The following DGKB variants were observed in gnomAD, a reference collection of about 807,000 sequenced individuals.
DGKB encodes the protein 90 kDa diacylglycerol kinase.
DGKB carries 67 observed loss-of-function variants against 114.3 expected under a neutral mutation model. The observed-to-expected ratio is 0.59, with a 90% CI of 0.48 to 0.72. DGKB has a LOEUF of 0.72. Ranked by LOEUF, DGKB falls within the 30% of genes least tolerant of loss-of-function variation. DGKB has a pLI of 0.00. For synonymous variants in DGKB, 398 were observed against 323.1 expected (o/e 1.23, Z -2.49); for missense variants, 907 against 975.2 (o/e 0.93, Z 0.93).
intron 23 of DGKB, among the ~76,000 whole-genome samples, chr7:14,183,127 T>C (rs1782880521): frequency 6.6e-6 from 1 of 152,206 alleles, no homozygotes; most frequent in African/African-American, 2.4e-5. Context: ...TGAGTGTTTG[T>C]AGATTGTATG....
At chr7:14,920,018 T>A (rs1261919008) in intron 1 of DGKB, among the ~76,000 whole-genome samples, 2 of 152,160 alleles carry the variant, frequency 1.3e-5, no homozygotes, top group East Asian at 3.8e-4. Context: ...TCTCAGGTAT[T>A]CATTTATAGC....
At chr7:14,881,798 A>G (rs896692089) in intron 1 of DGKB, among the ~76,000 whole-genome samples, 4 of 152,090 alleles carry the variant, frequency 2.6e-5, no homozygotes, top group Non-Finnish European at 5.9e-5. Flanking sequence ...AAAAATTTAA[A>G]TAACTTTTGT....
rs565995562 is a variant in DGKB, at chr7:14,869,347, G to T, written c.-187-27897C>A. Among the ~76,000 whole-genome samples the T allele has an allele frequency of 5.3e-5, 8 of 152,128 alleles. No homozygotes were observed. In the South Asian group the frequency reaches 1.2e-3, roughly 24 times the overall value. The stretch of plus-strand genomic sequence containing the variant: ...ATTTTGACAGGATTATACACTTAAG[G>T]TTTAACTGGGTCCGTAATTTCTTGT... On this transcript the variant is annotated intron_variant, in intron 1 of 25. Coordinates refer to ENST00000402815, the MANE Select transcript of DGKB (RefSeq NM_001350709.2).
intron 1 of DGKB, among the ~76,000 whole-genome samples, chr7:14,870,002 G>A (rs1040908179): frequency 4.6e-5 from 7 of 152,002 alleles, no homozygotes; most frequent in African/African-American, 1.7e-4. Flanking sequence ...TTATTTAGCA[G>A]TTTTTTCTAT....
At chr7:14,578,986 C>T (rs1382391010) in intron 19 of DGKB, among the ~76,000 whole-genome samples, 2 of 152,190 alleles carry the variant, frequency 1.3e-5, no homozygotes, top group Admixed American at 1.3e-4. Context: ...TGCATTCCTT[C>T]CTTCAGTCCT....
At chr7:14,283,142 G>T (rs1296929944) in intron 23 of DGKB, among the ~76,000 whole-genome samples, 1 of 151,676 alleles carries the variant, frequency 6.6e-6, no homozygotes, top group African/African-American at 2.4e-5. Context: ...ATCTCCTTAA[G>T]CTGATAAGCA....
intron 13 of DGKB, among the ~76,000 whole-genome samples, chr7:14,658,670 A>T (rs1002599815): frequency 6.6e-6 from 1 of 151,862 alleles, no homozygotes; most frequent in African/African-American, 2.4e-5. Flanking sequence ...AAAATATTAC[A>T]TGTACCCCAT....
At chr7:14,233,030 T>C (rs143187040) in intron 23 of DGKB, among the ~76,000 whole-genome samples, 13 of 152,234 alleles carry the variant, frequency 8.5e-5, no homozygotes, top group African/African-American at 3.1e-4. Flanking sequence ...CAAAGACTAT[T>C]CAAGCTTATT....
At chr7:14,796,092 G>C (rs1841368101) in intron 2 of DGKB, among the ~76,000 whole-genome samples, 1 of 152,030 alleles carries the variant, frequency 6.6e-6, no homozygotes, top group Admixed American at 6.6e-5. Flanking sequence ...GTAAAGCTTG[G>C]GTGGAAGAAT....
chr7:14,700,069 G>A (rs1249339030), intron 7 of DGKB, among the ~76,000 whole-genome samples: 1 of 151,986 alleles, frequency 6.6e-6, no homozygotes, highest in Non-Finnish European at 1.5e-5. Context: ...GCTATACTAA[G>A]CATATTAAAG....
At chr7:14,798,089 C>G (rs1841654956) in intron 2 of DGKB, among the ~76,000 whole-genome samples, 1 of 152,030 alleles carries the variant, frequency 6.6e-6, no homozygotes, top group Non-Finnish European at 1.5e-5. Context: ...CATGGGTGGT[C>G]TTGGAAAGAG....
chr7:14,369,096 G>A (rs1361695050), intron 21 of DGKB, among the ~76,000 whole-genome samples: 1 of 151,738 alleles, frequency 6.6e-6, no homozygotes, highest in South Asian at 2.1e-4. Context: ...ACAGACCCCA[G>A]TGTGTGATGT....
At position 14,784,410 on chromosome 7, in the gene DGKB, C is replaced by T. The variant is rs1025989508; in HGVS notation, c.71-26679G>A. Among the ~76,000 whole-genome samples the T allele has an allele frequency of 5.3e-5, 8 of 150,314 alleles. No homozygotes were observed. The South Asian group carries it at 8.5e-4, about 16-fold the overall frequency. On this transcript the variant is annotated intron_variant, in intron 2 of 25. Transcript: ENST00000402815. ...TGAGCTGGAGTCTCACTCTGTAGCC[C>T]AGGCTGGAAGGCAGTGGTTCGATCT...
At chr7:14,547,334 A>G (rs966031941) in intron 20 of DGKB, among the ~76,000 whole-genome samples, 4 of 152,216 alleles carry the variant, frequency 2.6e-5, no homozygotes, top group African/African-American at 9.6e-5. Context: ...CATAAAGGAT[A>G]TAGTTACTTC....
At chr7:14,585,271 A>G (rs1282441006) in intron 17 of DGKB, among the ~76,000 whole-genome samples, 1 of 152,158 alleles carries the variant, frequency 6.6e-6, no homozygotes, top group African/African-American at 2.4e-5. Context: ...TATAATAAAC[A>G]CATATGTACC....
chr7:14,501,783 T>C (rs184456625), intron 20 of DGKB, among the ~76,000 whole-genome samples: 1 of 152,056 alleles, frequency 6.6e-6, no homozygotes, highest in East Asian at 1.9e-4. Context: ...GGGGTGCAGA[T>C]AATTTGTTTC....
intron 20 of DGKB, among the ~76,000 whole-genome samples, chr7:14,492,501 T>G (rs961189325): frequency 6.6e-6 from 1 of 152,096 alleles, no homozygotes; most frequent in African/African-American, 2.4e-5. Context: ...TATCCATATT[T>G]TGGATTGTTT....
chr7:14,249,387 C>A (rs374981792), intron 23 of DGKB, among the ~76,000 whole-genome samples: 36 of 152,194 alleles, frequency 2.4e-4, no homozygotes, highest in Middle Eastern at 3.4e-3. Context: ...CCTTCTTCTT[C>A]TTCCATTTTT....
At chr7:14,532,070 C>T (rs1791681788) in intron 20 of DGKB, among the ~76,000 whole-genome samples, 1 of 151,138 alleles carries the variant, frequency 6.6e-6, no homozygotes, top group Non-Finnish European at 1.5e-5. Context: ...GAACTATATC[C>T]ATATCGTTCT....
Sources: allele counts gnomAD v4.1 joint callset (sites outside exome capture counted in the v4.1 genomes callset), GRCh38; gene constraint gnomAD v4.1.1; transcripts MANE v1.5; gene names NCBI Gene and HGNC (gene_info 2026-07-23, HGNC 2026-07-21).